The following ADRA1B variants were observed in gnomAD, a reference collection of about 807,000 sequenced individuals.
ADRA1B encodes the protein alpha-1B adrenergic receptor.
In ADRA1B, 17 loss-of-function variants were observed where a neutral mutation model predicts 17.9. The ratio of observed to expected loss-of-function variants is 0.95; its 90% CI spans 0.65 to 1.42. The LOEUF is 1.42. Ranked by LOEUF, ADRA1B falls within the 40% of genes most tolerant of loss-of-function variation. The probability of loss-of-function intolerance (pLI) is 0.00; values close to 1 mark genes in which losing one functional copy is unlikely to be tolerated. For synonymous variants in ADRA1B, 366 were observed against 327.6 expected, an observed-to-expected ratio of 1.12 and a Z score of -1.27; for missense variants, 681 against 722.1, an observed-to-expected ratio of 0.94 and a Z score of 0.65.
intron 1 of ADRA1B, among the ~76,000 whole-genome samples, chr5:159,874,788 T>G (rs1219247216): frequency 6.6e-6 from 1 of 152,204 alleles, no homozygotes. Flanking sequence ...GGAAAGTTGG[T>G]CTAACAAAGG....
chr5:159,887,793 T>C (rs573926429), intron 1 of ADRA1B, among the ~76,000 whole-genome samples: 49 of 152,120 alleles, frequency 3.2e-4, no homozygotes, highest in African/African-American at 1.1e-3. Context: ...TGTGTAGAGG[T>C]GGAATATATA....
At chr5:159,941,750 C>A (rs896523530) in intron 1 of ADRA1B, among the ~76,000 whole-genome samples, 13 of 152,060 alleles carry the variant, frequency 8.5e-5, no homozygotes, top group African/African-American at 3.1e-4. Flanking sequence ...ACCTTGAAAC[C>A]GATACGCTAA....
intron 1 of ADRA1B, among the ~76,000 whole-genome samples, chr5:159,955,660 G>A (rs1319722090): frequency 2.0e-5 from 3 of 152,146 alleles, no homozygotes; most frequent in African/African-American, 7.2e-5. Context: ...TTTGTCCTAG[G>A]CTCAAAGAAA....
At chr5:159,965,963 C>T (rs973867986) in intron 1 of ADRA1B, among the ~76,000 whole-genome samples, 6 of 152,220 alleles carry the variant, frequency 3.9e-5, no homozygotes, top group Middle Eastern at 3.4e-3. Context: ...TTAGTAAAGA[C>T]AGGGTTTTAC....
At chr5:159,965,841 A>T (rs1441768654) in intron 1 of ADRA1B, among the ~76,000 whole-genome samples, 55 of 150,934 alleles carry the variant, frequency 3.6e-4, no homozygotes, top group South Asian at 1.0e-3. Flanking sequence ...TTATTTATTT[A>T]TTTATTTATT....
intron 1 of ADRA1B, among the ~76,000 whole-genome samples, chr5:159,932,537 A>C (rs1273053429): frequency 6.6e-6 from 1 of 152,204 alleles, no homozygotes; most frequent in Admixed American, 6.5e-5. Context: ...TTATGTAAAC[A>C]AGCCATTTAC....
At chr5:159,973,013 C>T (rs758229966), downstream of ADRA1B, among the ~76,000 whole-genome samples, 1 of 152,202 alleles carries the variant, frequency 6.6e-6, no homozygotes, top group Admixed American at 6.5e-5. Flanking sequence ...TTCTCCTGTT[C>T]GGCTTTGAGT....
At chr5:159,899,287 G>GAAGGAAGGAAGGAAGA (rs1754073901) in intron 1 of ADRA1B, among the ~76,000 whole-genome samples, 1 of 76,396 alleles carries the variant, frequency 1.3e-5, no homozygotes, top group African/African-American at 4.4e-5. Flanking sequence ...AGGAAGGAAG[G>GAAGGAAGGAAGGAAGA]AAGGAAGGAA....
the ADRA1B span, among the ~76,000 whole-genome samples, chr5:159,982,786 G>C: frequency 0.16 from 24,651 of 152,000 alleles, 3,686 homozygotes; most frequent in African/African-American, 0.4. Context: ...CCCTCCCTCC[G>C]CAACACCTCA....
Position 159,972,022 on chromosome 5 carries a change from TGCCAGTGCCGCGGCCGCGGCC to T in ADRA1B, c.1097_1117del (p.Gln366_Arg372del), listed in dbSNP as rs764612121. ...GCGCGCTTTCGTGCGCATCCTCGGGTGCCAGTGCCGCGGCCGCGGCCGCCGCCGACGCCGCCGCCGCCGTCG... is the reference window on the plus strand; with the variant it reads ...GCGCGCTTTCGTGCGCATCCTCGGGTGCCGCCGACGCCGCCGCCGCCGTCG... On this transcript the variant is annotated inframe_deletion, in exon 2 of 2. Transcript: ENST00000306675. 2.2e-6 allele frequency: 3 copies of T among 1,395,290 alleles called. 1 individual carries two copies. In the South Asian group the frequency reaches 5.0e-5, roughly 23 times the overall value. 86.4% of individuals were successfully genotyped at this position (1,395,290 alleles called of 1,614,324 possible). A position where few individuals can be genotyped will look rare whatever the true frequency, so the allele number is the denominator to read the frequency against.
At chr5:159,868,172 A>T (rs574009599) in intron 1 of ADRA1B, 1 of 152,360 alleles carries the variant, frequency 6.6e-6, no homozygotes, top group East Asian at 1.9e-4. Flanking sequence ...TAAGGTAAAG[A>T]CAAAACAAAA....
At chr5:159,979,895 G>C in the ADRA1B span, among the ~76,000 whole-genome samples, 2 of 151,570 alleles carry the variant, frequency 1.3e-5, no homozygotes, top group African/African-American at 2.4e-5. Context: ...TGGCCAAGTA[G>C]AGAGGGCAAG....
chr5:159,962,930 C>CTTTTTT (rs1287451612), intron 1 of ADRA1B, among the ~76,000 whole-genome samples: 3 of 57,406 alleles, frequency 5.2e-5, no homozygotes, highest in African/African-American at 1.5e-4. Flanking sequence ...TTTTTCTTTT[C>CTTTTTT]TTTTCTTTTT....
At chr5:159,962,703 C>G (rs1242595265) in intron 1 of ADRA1B, among the ~76,000 whole-genome samples, 3 of 143,624 alleles carry the variant, frequency 2.1e-5, no homozygotes, top group Non-Finnish European at 3.0e-5. Context: ...CAAGGTCTCG[C>G]TCTATTGCCC....
intron 1 of ADRA1B, among the ~76,000 whole-genome samples, chr5:159,897,220 G>T (rs1370667831): frequency 1.3e-5 from 2 of 152,156 alleles, no homozygotes; most frequent in Non-Finnish European, 2.9e-5. Context: ...AGGCGTGGTG[G>T]CTCACGCCTG....
chr5:159,968,615 G>A (rs1211863482), intron 1 of ADRA1B, among the ~76,000 whole-genome samples: 1 of 152,050 alleles, frequency 6.6e-6, no homozygotes, highest in Admixed American at 6.5e-5. Flanking sequence ...CCCACCTCGG[G>A]CCATGGCTCC....
chr5:159,909,625 G>A (rs1754205908), intron 1 of ADRA1B, among the ~76,000 whole-genome samples: 1 of 152,192 alleles, frequency 6.6e-6, no homozygotes, highest in Non-Finnish European at 1.5e-5. Context: ...ATCCTCCATT[G>A]CACATTCCCG....
chr5:159,987,078 GC>G, the ADRA1B span, among the ~76,000 whole-genome samples: 3 of 152,188 alleles, frequency 2.0e-5, no homozygotes, highest in Admixed American at 1.3e-4. Context: ...TCCACACCCT[GC>G]CCCCAGCGGC....
At chr5:159,896,665 C>T (rs1333131210) in intron 1 of ADRA1B, among the ~76,000 whole-genome samples, 2 of 152,282 alleles carry the variant, frequency 1.3e-5, no homozygotes, top group East Asian at 3.9e-4. Flanking sequence ...CTGTCAAATC[C>T]ATCCTTGTTT....
Sources: gnomAD v4.1 joint callset for allele counts (sites outside exome capture counted in the v4.1 genomes callset) on GRCh38, gnomAD v4.1.1 for gene constraint, MANE v1.5 for transcripts, NCBI Gene and HGNC (gene_info 2026-07-23, HGNC 2026-07-21) for gene names.